FHIP2B: variants seen among roughly 807,000 people sequenced by gnomAD.
The protein encoded by FHIP2B is FHF complex subunit HOOK-interacting protein 2B.
FHIP2B carries 72 observed loss-of-function variants against 84.0 expected under a neutral mutation model. That is an observed-to-expected ratio of 0.86 (90% CI 0.71 to 1.04). The LOEUF (loss-of-function observed/expected upper bound fraction) is 1.04. Among genes scored for constraint, FHIP2B ranks in the 50% least tolerant of loss-of-function variants. The pLI, the probability that FHIP2B is intolerant of heterozygous loss-of-function variation, is 0.00. For missense variants in FHIP2B, 972 were observed against 968.9 expected, an observed-to-expected ratio of 1.00 and a Z score of -0.04; for synonymous variants, 497 against 418.7, an observed-to-expected ratio of 1.19 and a Z score of -2.28.
intron 2 of FHIP2B, 98 bp downstream of exon 2, chr8:22,094,616 T>C: frequency 6.4e-7 from 1 of 1,574,646 alleles, no homozygotes; most frequent in African/African-American, 1.4e-5. Flanking sequence ...AAAGGTAACC[T>C]GCCCAGTCGT....
chr8:22,093,706 G>GTATTTT (rs1328224891), intron 1 of FHIP2B, among the ~76,000 whole-genome samples: 1 of 36,212 alleles, frequency 2.8e-5, no homozygotes, highest in African/African-American at 1.3e-4. Context: ...GAAAAGCTTT[G>GTATTTT]TCTTTTTTTT....
Position 22,100,568 on chromosome 8 carries a change from T to C in FHIP2B, c.1342-26T>C, listed in dbSNP as rs767618829. ...TGGGAGCTGGGTGGGGAAGGGGCTA[T>C]CCTGCCGACCCCCTTCCTGCTCCAG... On this transcript the variant is annotated intron_variant, in intron 10 of 16. Transcript: ENST00000289921. 2.0e-6 allele frequency: 3 copies of C among 1,517,626 alleles called. No individual in the cohort carries two copies. The South Asian group carries it at 4.0e-5, about 20-fold the overall frequency. The allele number at this position is 1,517,626 out of a possible 1,614,324, so 94.0% of individuals were successfully genotyped here.
At chr8:22,098,834 C>T in intron 7 of FHIP2B, 114 bp from the exon 8 acceptor site, 2 of 1,020,684 alleles carry the variant, frequency 2.0e-6, no homozygotes, top group Non-Finnish European at 2.9e-6. Flanking sequence ...GATAACTGAT[C>T]CCCAGCCACA....
chr8:22,100,443 C>A, intron 10 of FHIP2B, 151 bp from the exon 11 acceptor site: 2 of 794,374 alleles, frequency 2.5e-6, no homozygotes, highest in African/African-American at 1.8e-5. Flanking sequence ...CCCACACCCC[C>A]CAACTACCCC....
intron 1 of FHIP2B, among the ~76,000 whole-genome samples, chr8:22,090,725 A>G (rs1351447930): frequency 6.6e-6 from 1 of 152,166 alleles, no homozygotes; most frequent in Non-Finnish European, 1.5e-5. Context: ...CCTGGGCTCA[A>G]GCAATCCTCC....
chr8:22,090,935 G>A (rs1223440381), intron 1 of FHIP2B, among the ~76,000 whole-genome samples: 1 of 152,144 alleles, frequency 6.6e-6, no homozygotes, highest in East Asian at 1.9e-4. Context: ...AAATTCTAAG[G>A]CTTCCAATGA....
chr8:22,099,438 A>AGGCCC (rs1181493038), intron 9 of FHIP2B, 78 bp downstream of exon 9: 1 of 1,442,048 alleles, frequency 6.9e-7, no homozygotes, highest in African/African-American at 1.4e-5. Context: ...CCTGTCCCTA[A>AGGCCC]GGCCAGACAC....
Position 22,094,699 on chromosome 8 carries a change from C to G in FHIP2B, c.124+181C>G. On this transcript the variant is annotated intron_variant, in intron 2 of 16. Transcript: ENST00000289921. Reference sequence around the variant, plus strand: ...AGACCCAGAGCCCTGGGCCACTCCACTCCTGATGATTTAGCTGCCGGTCCC... The same window carrying G: ...AGACCCAGAGCCCTGGGCCACTCCAGTCCTGATGATTTAGCTGCCGGTCCC... 7 of 1,425,404 alleles carry G rather than the reference C, an allele frequency of 4.9e-6. No homozygotes were observed. The South Asian group carries it at 9.7e-5, about 20-fold the overall frequency. The allele number at this position is 1,425,404 out of a possible 1,614,324, so 88.3% of individuals were successfully genotyped here. A position where few individuals can be genotyped will look rare whatever the true frequency, so the allele number is the denominator to read the frequency against.
Position 22,104,488 on chromosome 8 carries a change from TG to T in FHIP2B, c.*1558del, listed in dbSNP as rs1826292894. The T allele has an allele frequency of 6.6e-6, 1 of 152,224 alleles. No homozygotes were observed. Among genetic ancestry groups the T allele is most frequent in the African/African-American group, 2.4e-5 (1 of 41,426 alleles). 9.4% of individuals were successfully genotyped at this position (152,224 alleles called of 1,614,324 possible). On this transcript the variant is annotated 3_prime_UTR_variant, in exon 17 of 17. Transcript: ENST00000289921. ...GGAAGACAAATTCTTTTTCTAGCGC[TG>T]CAGCAGGGAGGTGGGGTGGGCGGTA...
intron 8 of FHIP2B, 40 bp from the exon 9 acceptor site, chr8:22,099,244 G>A: frequency 1.2e-6 from 2 of 1,608,020 alleles, no homozygotes; most frequent in Non-Finnish European, 8.5e-7. Flanking sequence ...AGCTGGAATT[G>A]TAATGAGGGC....
In FHIP2B at chr8:22,097,709, T is replaced by A. The variant is rs1825855393; in HGVS notation, c.403-8T>A. 1 of 1,612,592 alleles carries A rather than the reference T, an allele frequency of 6.2e-7. No individual in the cohort carries two copies. Among genetic ancestry groups the A allele is most frequent in the Non-Finnish European group, 8.5e-7 (1 of 1,179,530 alleles). On this transcript the variant is annotated splice_region_variant and splice_polypyrimidine_tract_variant and intron_variant, in intron 4 of 16. Transcript: ENST00000289921. ...CTCCCCTCTGTTTCTGTCCTGGTGC[T>A]CTTCCAGAAACTCCTCCGACTTGGT... is the stretch of plus-strand genomic sequence containing the variant.
At chr8:22,098,016 AC>A in intron 5 of FHIP2B, 51 bp from the exon 6 acceptor site, 1 of 1,538,464 alleles carries the variant, frequency 6.5e-7, no homozygotes, top group Non-Finnish European at 8.8e-7. Flanking sequence ...CCAGTGGGGG[AC>A]CCTGGGAAGT....
At position 22,100,625 on chromosome 8, in the gene FHIP2B, A is replaced by T; in HGVS notation, c.1373A>T (p.Glu458Val). The change falls in exon 11 of 17, where the codon GAG (glutamate) becomes GTG (valine). Residue 458 changes from glutamate (E) to valine (V), a missense_variant. Transcript: ENST00000289921. ...ATCACCACACTCCGGCTGTTTGAGG[A>T]GCTGCTGCAGAAGCCCCACGAGGGG... Reference protein sequence around the residue: ...ISITTLRLFEELLQKPHEGII... With the variant: ...ISITTLRLFEVLLQKPHEGII... The T allele has an allele frequency of 6.3e-7, 1 of 1,584,964 alleles. No homozygotes were observed. Among genetic ancestry groups the T allele is most frequent in the Non-Finnish European group, 8.6e-7 (1 of 1,165,552 alleles).
intron 3 of FHIP2B, 90 bp from the exon 4 acceptor site, chr8:22,097,426 G>C (rs963288106): frequency 4.1e-6 from 4 of 972,512 alleles, no homozygotes; most frequent in Non-Finnish European, 6.2e-6. Context: ...ACACGGCTCT[G>C]ACAGGCGCTC....
At position 22,089,241 on chromosome 8, in the gene FHIP2B, G is replaced by A. The variant is rs576728720; in HGVS notation, c.-13G>A. ...CGCCGCTTTCGCCCGGGAGCCGGGG[G>A]CCGGGCGCCATCATGCTGAGCCGGC... On this transcript the variant is annotated 5_prime_UTR_variant, in exon 1 of 17. Transcript: ENST00000289921. The A allele has an allele frequency of 5.7e-3, 5,995 of 1,060,338 alleles. 23 individuals carry two copies. Among genetic ancestry groups the A allele is most frequent in the Non-Finnish European group, 6.4e-3 (5,662 of 879,622 alleles). 65.7% of individuals were successfully genotyped at this position (1,060,338 alleles called of 1,614,324 possible).
At chr8:22,093,623 C>T (rs1391726344) in intron 1 of FHIP2B, among the ~76,000 whole-genome samples, 1 of 151,192 alleles carries the variant, frequency 6.6e-6, no homozygotes, top group South Asian at 2.1e-4. Context: ...CTAATGTTAC[C>T]TACCCTTCCG....
At position 22,104,449 on chromosome 8, in the gene FHIP2B, A is replaced by G. The variant is rs1463692272; in HGVS notation, c.*1518A>G. 1 of 152,400 alleles carries G rather than the reference A, an allele frequency of 6.6e-6. No homozygotes were observed. The highest frequency in any genetic ancestry group is 1.5e-5 in the Non-Finnish European group (1 of 68,046). The allele number at this position is 152,400 out of a possible 1,614,324, so 9.4% of individuals were successfully genotyped here. Reference sequence around the variant, plus strand: ...AGGACTCCACTGCTAATTCGGGCCCATCTTCCTCCCCAAGGAAGACAAATT... The same window carrying G: ...AGGACTCCACTGCTAATTCGGGCCCGTCTTCCTCCCCAAGGAAGACAAATT... On this transcript the variant is annotated 3_prime_UTR_variant, in exon 17 of 17. Coordinates refer to ENST00000289921, the MANE Select transcript of FHIP2B (RefSeq NM_022749.7).
Position 22,099,297 on chromosome 8 carries a change from C to T in FHIP2B, c.1088C>T (p.Ala363Val). 1 of 1,613,742 alleles carries T rather than the reference C, an allele frequency of 6.2e-7. No homozygotes were observed. Among genetic ancestry groups the T allele is most frequent in the Non-Finnish European group, 8.5e-7 (1 of 1,179,850 alleles). Residue 363 changes from alanine to valine, a missense_variant, in exon 9 of 17, where the codon GCC (alanine) becomes GTC (valine). Ala to Val is a moderately conservative substitution (Grantham distance 64). Coordinates refer to ENST00000289921, the MANE Select transcript of FHIP2B (RefSeq NM_022749.7). Reference protein sequence around the residue: ...ITEAHTVVADALAKAVAENFF... With the variant: ...ITEAHTVVADVLAKAVAENFF... ...TCTGGCACCCAGGTGGTTGCGGACG[C>T]CTTGGCGAAGGCTGTGGCTGAGAAC...
At chr8:22,089,377 G>T (rs1292212751) in intron 1 of FHIP2B, 79 bp downstream of exon 1, 1 of 876,530 alleles carries the variant, frequency 1.1e-6, no homozygotes, top group African/African-American at 1.8e-5. Context: ...GCCGGGCGCG[G>T]CCCGCAGGAG....
Sources: allele counts gnomAD v4.1 joint callset (sites outside exome capture counted in the v4.1 genomes callset), GRCh38; gene constraint gnomAD v4.1.1; transcripts MANE v1.5; gene names NCBI Gene and HGNC (gene_info 2026-07-23, HGNC 2026-07-21).